TRPM1: variants seen among roughly 807,000 people sequenced by gnomAD.
TRPM1 encodes transient receptor potential cation channel subfamily M member 1.
In TRPM1, 113 loss-of-function variants were observed where a neutral mutation model predicts 149.4. The observed-to-expected ratio is 0.76, with a 90% CI of 0.65 to 0.88. The LOEUF (loss-of-function observed/expected upper bound fraction) is 0.88. Among genes scored for constraint, TRPM1 ranks in the 40% least tolerant of loss-of-function variants. TRPM1 has a pLI of 0.00. For missense variants in TRPM1, 1,976 were observed against 2,038.7 expected, an observed-to-expected ratio of 0.97 and a Z score of 0.59; for synonymous variants, 741 against 759.5, an observed-to-expected ratio of 0.98 and a Z score of 0.40.
At chr15:31,159,461 G>A (rs1440139316) in intron 1 of TRPM1, among the ~76,000 whole-genome samples, 1 of 152,152 alleles carries the variant, frequency 6.6e-6, no homozygotes, top group African/African-American at 2.4e-5. Context: ...CATGTCTCTT[G>A]TTTCTGCCAA....
Position 31,150,836 on chromosome 15 carries a change from C to T in TRPM1, c.54+10070G>A, listed in dbSNP as rs117964770. ...CCCACAGCTACACAGGTAAGAAAGT[C>T]TACACAGGTGACTTGCCCAGACATG... is the stretch of plus-strand genomic sequence containing the variant. On this transcript the variant is annotated intron_variant, in intron 1 of 26. Transcript: ENST00000542188. Among the ~76,000 whole-genome samples, 1,208 of 152,264 alleles carry T rather than the reference C, an allele frequency of 7.9e-3. 6 individuals are homozygous for T. Among genetic ancestry groups the T allele is most frequent in the Non-Finnish European group, 0.014 (937 of 68,022 alleles).
intron 14 of TRPM1, among the ~76,000 whole-genome samples, chr15:31,047,637 T>C (rs1433759274): frequency 6.6e-6 from 1 of 152,218 alleles, no homozygotes; most frequent in African/African-American, 2.4e-5. Context: ...GTGGCCGCCC[T>C]GGCCTGGCGC....
chr15:31,135,214 G>C (rs1453147957), intron 1 of TRPM1, among the ~76,000 whole-genome samples: 1 of 152,036 alleles, frequency 6.6e-6, no homozygotes, highest in African/African-American at 2.4e-5. Context: ...CCCTAGATAT[G>C]TGCACACATT....
At chr15:31,025,711 T>G (rs1237914564) in intron 27 of TRPM1, among the ~76,000 whole-genome samples, 1 of 149,590 alleles carries the variant, frequency 6.7e-6, no homozygotes, top group East Asian at 2.1e-4. Context: ...CTCTGCCCTG[T>G]GAGGCTGGGA....
chr15:31,050,702 T>C, intron 11 of TRPM1, 120 bp from the exon 12 acceptor site: 4 of 1,078,178 alleles, frequency 3.7e-6, no homozygotes, highest in Non-Finnish European at 5.6e-6. Flanking sequence ...ATGCACACAA[T>C]GTACATGTGC....
At chr15:31,161,119 T>G (rs1334431956) in exon 1 of TRPM1, 1 of 697,786 alleles carries the variant, frequency 1.4e-6, no homozygotes, top group Non-Finnish European at 2.4e-6. Context: ...GGGGCCGAGA[T>G]CCTGGGGCGA....
At chr15:31,007,676 A>C (rs1051610220) in intron 27 of TRPM1, among the ~76,000 whole-genome samples, 1 of 152,068 alleles carries the variant, frequency 6.6e-6, no homozygotes, top group Non-Finnish European at 1.5e-5. Context: ...AACAACAACA[A>C]CAACAACAAC....
intron 1 of TRPM1, among the ~76,000 whole-genome samples, chr15:31,089,172 A>G (rs1043308929): frequency 5.3e-5 from 8 of 152,168 alleles, no homozygotes; most frequent in African/African-American, 9.7e-5. Flanking sequence ...CTGGTGTTGC[A>G]TTATTGTGCA....
intron 1 of TRPM1, among the ~76,000 whole-genome samples, chr15:31,113,370 C>G (rs994714230): frequency 6.6e-6 from 1 of 152,018 alleles, no homozygotes; most frequent in Non-Finnish European, 1.5e-5. Context: ...TGGACTGTCA[C>G]AACCAACGGG....
chr15:31,060,718 T>G (rs538090574), intron 10 of TRPM1, 74 bp from the exon 11 acceptor site: 2 of 1,207,448 alleles, frequency 1.7e-6, no homozygotes, highest in African/African-American at 3.0e-5. Flanking sequence ...TGCTGGGTGG[T>G]GAGCACAGGC....
chr15:31,124,091 C>T (rs2035913589), intron 1 of TRPM1, among the ~76,000 whole-genome samples: 1 of 152,110 alleles, frequency 6.6e-6, no homozygotes, highest in African/African-American at 2.4e-5. Context: ...TGAGACTAGC[C>T]TGGCCCACAT....
chr15:31,145,126 C>T (rs2036208831), intron 1 of TRPM1, among the ~76,000 whole-genome samples: 1 of 152,168 alleles, frequency 6.6e-6, no homozygotes, highest in South Asian at 2.1e-4. Flanking sequence ...AAAAACTGCT[C>T]TGTTTCTGAA....
chr15:31,078,401 C>A (rs1033046375), intron 2 of TRPM1, among the ~76,000 whole-genome samples: 1 of 152,196 alleles, frequency 6.6e-6, no homozygotes, highest in Non-Finnish European at 1.5e-5. Context: ...GCAAGTACCC[C>A]CCAAACTCAG....
At chr15:31,113,019 G>C (rs528528453) in intron 1 of TRPM1, among the ~76,000 whole-genome samples, 76 of 152,168 alleles carry the variant, frequency 5.0e-4, no homozygotes, top group Non-Finnish European at 9.0e-4. Flanking sequence ...TAAGTGTTCC[G>C]TGTTGGAGCA....
At chr15:31,126,766 C>T (rs1021982160) in intron 1 of TRPM1, among the ~76,000 whole-genome samples, 2 of 152,090 alleles carry the variant, frequency 1.3e-5, no homozygotes, top group African/African-American at 2.4e-5. Flanking sequence ...GAGTTCGAGA[C>T]CAGCCTGGCC....
chr15:31,113,831 G>C (rs1432085683), intron 1 of TRPM1, among the ~76,000 whole-genome samples: 3 of 152,178 alleles, frequency 2.0e-5, no homozygotes, highest in Admixed American at 6.5e-5. Context: ...TTGTGAAGAT[G>C]TGAACAGCAA....
intron 1 of TRPM1, among the ~76,000 whole-genome samples, chr15:31,126,126 C>T (rs11856516): frequency 4.6e-5 from 7 of 151,910 alleles, no homozygotes; most frequent in African/African-American, 7.3e-5. Flanking sequence ...AGTGGAACTT[C>T]GTCTCAAAAA....
At chr15:31,059,713 T>A (rs573450539) in intron 11 of TRPM1, among the ~76,000 whole-genome samples, 3 of 152,308 alleles carry the variant, frequency 2.0e-5, no homozygotes, top group African/African-American at 7.2e-5. Flanking sequence ...GGCCAAGAAA[T>A]GTGGTTTTTA....
chr15:31,154,059 C>T (rs966932330), intron 1 of TRPM1, among the ~76,000 whole-genome samples: 7 of 152,194 alleles, frequency 4.6e-5, no homozygotes, highest in East Asian at 1.9e-4. Context: ...GGTTCAGAAA[C>T]GACAGCCTAC....
Sources: gnomAD v4.1 joint callset for allele counts (sites outside exome capture counted in the v4.1 genomes callset) on GRCh38, gnomAD v4.1.1 for gene constraint, MANE v1.5 for transcripts, NCBI Gene and HGNC (gene_info 2026-07-23, HGNC 2026-07-21) for gene names.